ZDHHC14: variants seen among roughly 807,000 people sequenced by gnomAD.
ZDHHC14 encodes zDHHC palmitoyltransferase 14.
ZDHHC14 carries 16 observed loss-of-function variants against 47.7 expected under a neutral mutation model. That is an observed-to-expected ratio of 0.34 (90% confidence interval 0.23 to 0.51). The LOEUF (loss-of-function observed/expected upper bound fraction) is 0.51. ZDHHC14 is among the 20% of genes least tolerant of loss of function. ZDHHC14 has a pLI of 0.97. For missense variants in ZDHHC14, 515 were observed against 662.5 expected (o/e 0.78, Z 2.44); for synonymous variants, 293 against 278.9 (o/e 1.05, Z -0.50).
intron 1 of ZDHHC14, among the ~76,000 whole-genome samples, chr6:157,430,438 G>A (rs1778316210): frequency 6.6e-6 from 1 of 151,992 alleles, no homozygotes; most frequent in Non-Finnish European, 1.5e-5. Context: ...GGAGGCCCCA[G>A]AGAGAACCTG....
At position 157,677,868 on chromosome 6, in the gene ZDHHC14, CG is replaced by C. The variant is rs1207696172; in HGVS notation, c.*4748del. ...CTGCAATTAAAAAAAAAAAAAAAAACGGTTGAAGCCTTGCTAACTTTTTCCC... is the reference window on the plus strand; with the variant it reads ...CTGCAATTAAAAAAAAAAAAAAAAACGTTGAAGCCTTGCTAACTTTTTCCC... On this transcript the variant is annotated 3_prime_UTR_variant, in exon 9 of 9. Transcript: ENST00000359775. 1.5e-5 allele frequency: 2 copies of C among 135,350 alleles called. No individual in the cohort carries two copies. The highest frequency in any genetic ancestry group is 2.8e-5 in the African/African-American group (1 of 35,352). 8.4% of individuals were successfully genotyped at this position (135,350 alleles called of 1,614,324 possible).
chr6:157,633,232 GC>G (rs2114960712), intron 5 of ZDHHC14, among the ~76,000 whole-genome samples: 1 of 152,300 alleles, frequency 6.6e-6, no homozygotes, highest in East Asian at 1.9e-4. Flanking sequence ...ATGTAGGGAT[GC>G]CCACGTGTGG....
At chr6:157,513,270 T>C (rs1780560872) in intron 1 of ZDHHC14, among the ~76,000 whole-genome samples, 1 of 152,216 alleles carries the variant, frequency 6.6e-6, no homozygotes, top group Non-Finnish European at 1.5e-5. Context: ...TTAGTGTCAT[T>C]AGCTTTCTTA....
At chr6:157,555,090 CT>C (rs1782404024) in intron 2 of ZDHHC14, among the ~76,000 whole-genome samples, 1 of 152,242 alleles carries the variant, frequency 6.6e-6, no homozygotes, top group African/African-American at 2.4e-5. Flanking sequence ...GGGCCCCTCT[CT>C]TTCCCAGCTG....
At chr6:157,545,403 G>A (rs1203342953) in intron 2 of ZDHHC14, among the ~76,000 whole-genome samples, 1 of 151,944 alleles carries the variant, frequency 6.6e-6, no homozygotes, top group African/African-American at 2.4e-5. Context: ...GAGGCCGGGC[G>A]CAGTGGCTCA....
At chr6:157,666,413 A>G (rs1778558149) in intron 8 of ZDHHC14, among the ~76,000 whole-genome samples, 2 of 152,222 alleles carry the variant, frequency 1.3e-5, no homozygotes, top group Admixed American at 1.3e-4. Context: ...CAAATGTAGT[A>G]GGAAAAAAAA....
At chr6:157,440,663 C>A (rs1778544206) in intron 1 of ZDHHC14, among the ~76,000 whole-genome samples, 1 of 152,180 alleles carries the variant, frequency 6.6e-6, no homozygotes, top group Non-Finnish European at 1.5e-5. Flanking sequence ...CTCACATGTT[C>A]ATCAATGAGT....
intron 1 of ZDHHC14, among the ~76,000 whole-genome samples, chr6:157,489,769 C>T (rs556482925): frequency 6.6e-6 from 1 of 152,276 alleles, no homozygotes; most frequent in South Asian, 2.1e-4. Flanking sequence ...GAAGCTACTG[C>T]AGGGTTTGTG....
At chr6:157,495,273 C>T (rs1437673260) in intron 1 of ZDHHC14, among the ~76,000 whole-genome samples, 2 of 151,852 alleles carry the variant, frequency 1.3e-5, no homozygotes, top group African/African-American at 4.8e-5. Flanking sequence ...TTTTTTAAAG[C>T]AGTCTAAAAT....
intron 5 of ZDHHC14, among the ~76,000 whole-genome samples, chr6:157,634,250 G>T (rs1221497600): frequency 6.6e-6 from 1 of 152,054 alleles, no homozygotes; most frequent in African/African-American, 2.4e-5. Flanking sequence ...CTGTGGATGG[G>T]GCCTGGGACA....
At chr6:157,414,605 C>G (rs1777937844) in intron 1 of ZDHHC14, among the ~76,000 whole-genome samples, 1 of 152,200 alleles carries the variant, frequency 6.6e-6, no homozygotes, top group African/African-American at 2.4e-5. Flanking sequence ...AGACTTTCAT[C>G]CAGGCCAAGA....
chr6:157,674,150 C>T lies in ZDHHC14; in HGVS notation c.*1028C>T, dbSNP rs764990321. ...TTCTTTAATTATCTCTTTTTGACAC[C>T]ATCTTAGTGGAATTTGCTCTACGTT... On this transcript the variant is annotated 3_prime_UTR_variant, in exon 9 of 9. Transcript: ENST00000359775. 1 of 151,962 alleles carries T rather than the reference C, an allele frequency of 6.6e-6. No individual in the cohort carries two copies. Among genetic ancestry groups the T allele is most frequent in the Admixed American group, 6.6e-5 (1 of 15,260 alleles). 9.4% of individuals were successfully genotyped at this position (151,962 alleles called of 1,614,324 possible).
chr6:157,499,974 G>A (rs762175690), intron 1 of ZDHHC14, among the ~76,000 whole-genome samples: 2 of 152,200 alleles, frequency 1.3e-5, no homozygotes, highest in Non-Finnish European at 1.5e-5. Context: ...TAGTAGGGAT[G>A]TCTGACAATG....
At chr6:157,448,197 A>AT (rs1032559514) in intron 1 of ZDHHC14, among the ~76,000 whole-genome samples, 2 of 151,968 alleles carry the variant, frequency 1.3e-5, no homozygotes, top group African/African-American at 4.8e-5. Flanking sequence ...TTTTTATTTT[A>AT]TTTTTTTGTA....
intron 1 of ZDHHC14, among the ~76,000 whole-genome samples, chr6:157,408,710 A>T (rs1262517983): frequency 6.6e-6 from 1 of 152,138 alleles, no homozygotes. Context: ...TCTATGATTG[A>T]TGGGCATTTG....
intron 1 of ZDHHC14, among the ~76,000 whole-genome samples, chr6:157,517,280 A>T (rs890033217): frequency 2.6e-5 from 4 of 151,168 alleles, no homozygotes; most frequent in Non-Finnish European, 5.9e-5. Context: ...TGTGATGGGG[A>T]CACAGTACCC....
chr6:157,538,281 G>A (rs1169957424), intron 1 of ZDHHC14, among the ~76,000 whole-genome samples: 11 of 152,178 alleles, frequency 7.2e-5, no homozygotes, highest in Non-Finnish European at 1.6e-4. Context: ...AGGCACACTC[G>A]GCTCAGCGAG....
At chr6:157,450,440 C>T (rs1017451525) in intron 1 of ZDHHC14, among the ~76,000 whole-genome samples, 2 of 149,542 alleles carry the variant, frequency 1.3e-5, no homozygotes, top group East Asian at 2.0e-4. Context: ...GCGTGAACCC[C>T]GGGGGTAGAG....
intron 1 of ZDHHC14, among the ~76,000 whole-genome samples, chr6:157,413,127 A>G (rs2114760121): frequency 6.6e-6 from 1 of 152,276 alleles, no homozygotes; most frequent in East Asian, 1.9e-4. Flanking sequence ...GAAGCGTCTA[A>G]AGTGCCAAGA....
Sources: gnomAD v4.1 joint callset for allele counts (sites outside exome capture counted in the v4.1 genomes callset) on GRCh38, gnomAD v4.1.1 for gene constraint, MANE v1.5 for transcripts, NCBI Gene and HGNC (gene_info 2026-07-23, HGNC 2026-07-21) for gene names.